ADGRL2: variants seen among roughly 807,000 people sequenced by gnomAD.
ADGRL2 encodes adhesion G protein-coupled receptor L2, also known as calcium-independent alpha-latrotoxin receptor 2.
Under a neutral mutation model 157.4 loss-of-function variants are expected in ADGRL2, and 44 were observed. The observed-to-expected ratio is 0.28, with a 90% CI of 0.22 to 0.36. The LOEUF (loss-of-function observed/expected upper bound fraction) is 0.36, where lower values mean the gene tolerates loss of function less well. Among genes scored for constraint, ADGRL2 ranks in the 10% least tolerant of loss-of-function variants. The pLI, the probability that ADGRL2 is intolerant of heterozygous loss-of-function variation, is 1.00. For synonymous variants in ADGRL2, 585 were observed against 624.7 expected (o/e 0.94, Z 0.95); for missense variants, 1,510 against 1,768.9 (o/e 0.85, Z 2.63).
At chr1:81,921,080 A>G (rs925747986) in intron 3 of ADGRL2, among the ~76,000 whole-genome samples, 3 of 152,178 alleles carry the variant, frequency 2.0e-5, no homozygotes, top group Non-Finnish European at 4.4e-5. Flanking sequence ...AGAAGTGGGC[A>G]GACATTCTAA....
At chr1:81,684,682 G>A (rs2083193639) in intron 3 of ADGRL2, among the ~76,000 whole-genome samples, 1 of 152,150 alleles carries the variant, frequency 6.6e-6, no homozygotes, top group Non-Finnish European at 1.5e-5. Flanking sequence ...TTGCTTTTGA[G>A]TTCTTGGTCA....
At chr1:81,524,196 TA>T (rs59596783) in intron 2 of ADGRL2, among the ~76,000 whole-genome samples, 36,555 of 145,628 alleles carry the variant, frequency 0.25, 5,685 homozygotes, top group African/African-American at 0.45. Context: ...CCATCTCTAC[TA>T]AAAAAAAAAA....
At chr1:81,351,399 T>C (rs967476869) in intron 1 of ADGRL2, among the ~76,000 whole-genome samples, 3 of 152,120 alleles carry the variant, frequency 2.0e-5, no homozygotes, top group African/African-American at 7.2e-5. Context: ...TACACTTACT[T>C]CCCACCCCGT....
At chr1:81,386,693 A>G (rs986747806) in intron 1 of ADGRL2, among the ~76,000 whole-genome samples, 7 of 152,196 alleles carry the variant, frequency 4.6e-5, no homozygotes, top group African/African-American at 1.7e-4. Flanking sequence ...GGTGCTAAAT[A>G]CATGTTCATT....
At chr1:81,749,910 A>ACTTG (rs2085433464) in intron 1 of ADGRL2, among the ~76,000 whole-genome samples, 3 of 152,208 alleles carry the variant, frequency 2.0e-5, no homozygotes, top group African/African-American at 4.8e-5. Context: ...CTGAGAAACA[A>ACTTG]GCCAGTAAGT....
At chr1:81,712,733 C>A (rs2083971820) in intron 1 of ADGRL2, among the ~76,000 whole-genome samples, 1 of 149,862 alleles carries the variant, frequency 6.7e-6, no homozygotes, top group South Asian at 2.1e-4. Context: ...CATGCTGGAG[C>A]ACCAATTTAC....
At chr1:81,400,367 G>T (rs1269831640) in intron 1 of ADGRL2, among the ~76,000 whole-genome samples, 1 of 152,104 alleles carries the variant, frequency 6.6e-6, no homozygotes, top group Non-Finnish European at 1.5e-5. Context: ...TGGCAGAGAT[G>T]AATGTAGGTT....
chr1:81,596,028 A>G (rs1160789027), intron 3 of ADGRL2: 2 of 266,858 alleles, frequency 7.5e-6, no homozygotes, highest in African/African-American at 2.3e-5. Context: ...CCCATTCATG[A>G]GGCCTCTACC....
At chr1:81,453,462 A>G (rs2077739117) in intron 2 of ADGRL2, among the ~76,000 whole-genome samples, 1 of 152,184 alleles carries the variant, frequency 6.6e-6, no homozygotes, top group Admixed American at 6.6e-5. Flanking sequence ...CTTCCATAAC[A>G]GCAGCCACTT....
At chr1:81,680,988 A>G (rs1445236021) in intron 3 of ADGRL2, among the ~76,000 whole-genome samples, 2 of 152,242 alleles carry the variant, frequency 1.3e-5, no homozygotes, top group Non-Finnish European at 2.9e-5. Context: ...TAATTAAACT[A>G]TAATACATCT....
At chr1:81,519,639 C>A (rs948549074) in intron 2 of ADGRL2, among the ~76,000 whole-genome samples, 2 of 152,114 alleles carry the variant, frequency 1.3e-5, no homozygotes, top group Non-Finnish European at 2.9e-5. Context: ...CCAGTATGTG[C>A]AATGCATTTT....
chr1:81,942,223 G>A (rs1258144570), intron 5 of ADGRL2, among the ~76,000 whole-genome samples, 178 bp downstream of exon 5: 1 of 151,856 alleles, frequency 6.6e-6, no homozygotes, highest in Admixed American at 6.6e-5. Flanking sequence ...TAAACCTGGT[G>A]ATGGGGTAAA....
chr1:81,641,320 A>G (rs1335569099), intron 3 of ADGRL2, among the ~76,000 whole-genome samples: 1 of 152,152 alleles, frequency 6.6e-6, no homozygotes, highest in African/African-American at 2.4e-5. Context: ...TCAATCAACT[A>G]AATATAATCA....
At chr1:81,632,921 T>G (rs1224914206) in intron 3 of ADGRL2, among the ~76,000 whole-genome samples, 2 of 152,152 alleles carry the variant, frequency 1.3e-5, no homozygotes. Flanking sequence ...GCAAGGGATT[T>G]AAAAAGGATT....
chr1:81,473,491 A>T (rs2078213570), intron 2 of ADGRL2, among the ~76,000 whole-genome samples: 1 of 152,224 alleles, frequency 6.6e-6, no homozygotes, highest in Admixed American at 6.5e-5. Context: ...TAATCCAGTT[A>T]AACGTATTAT....
At chr1:81,542,415 C>T (rs753004904) in intron 2 of ADGRL2, among the ~76,000 whole-genome samples, 1 of 152,192 alleles carries the variant, frequency 6.6e-6, no homozygotes, top group Non-Finnish European at 1.5e-5. Flanking sequence ...TAAATGCCCC[C>T]TGTAGTTTCA....
At chr1:81,627,982 C>G (rs1210080566) in intron 3 of ADGRL2, among the ~76,000 whole-genome samples, 1 of 152,144 alleles carries the variant, frequency 6.6e-6, no homozygotes, top group African/African-American at 2.4e-5. Context: ...AAGAGCCAGG[C>G]TTATAGTCTA....
At chr1:81,897,829 A>G (rs983328629) in intron 2 of ADGRL2, among the ~76,000 whole-genome samples, 3 of 152,188 alleles carry the variant, frequency 2.0e-5, no homozygotes, top group African/African-American at 7.2e-5. Flanking sequence ...GTGTAACACT[A>G]TTTTGTATTT....
chr1:81,535,663 TTA>T (rs2079717620), intron 2 of ADGRL2, among the ~76,000 whole-genome samples: 1 of 152,054 alleles, frequency 6.6e-6, no homozygotes, highest in South Asian at 2.1e-4. Context: ...TTACTTGGGG[TTA>T]TATGTTTTTA....
Sources: gnomAD v4.1 joint callset for allele counts (sites outside exome capture counted in the v4.1 genomes callset) on GRCh38, gnomAD v4.1.1 for gene constraint, MANE v1.5 for transcripts, NCBI Gene and HGNC (gene_info 2026-07-23, HGNC 2026-07-21) for gene names.